Variants in IL21R observed in about 807,000 individuals in gnomAD.
IL21R encodes the protein interleukin 21 receptor, also known as interleukin-21 receptor.
IL21R carries 14 observed loss-of-function variants against 41.3 expected under a neutral mutation model. That is an observed-to-expected ratio of 0.34 (90% CI 0.22 to 0.53). The LOEUF (loss-of-function observed/expected upper bound fraction) is 0.53, where lower values mean the gene tolerates loss of function less well. Among genes scored for constraint, IL21R ranks in the 20% least tolerant of loss-of-function variants. The pLI, the probability that IL21R is intolerant of heterozygous loss-of-function variation, is 0.94. For missense variants in IL21R, 588 were observed against 681.6 expected (o/e 0.86, Z 1.53); for synonymous variants, 286 against 287.6 (o/e 0.99, Z 0.05).
intron 1 of IL21R, among the ~76,000 whole-genome samples, chr16:27,414,532 A>AT (rs1409590690): frequency 6.6e-6 from 1 of 151,936 alleles, no homozygotes; most frequent in African/African-American, 2.4e-5. Context: ...AAGTTTTGGT[A>AT]TTAAGACTGC....
intron 1 of IL21R, among the ~76,000 whole-genome samples, chr16:27,413,316 G>A (rs1322463721): frequency 6.6e-6 from 1 of 152,036 alleles, no homozygotes; most frequent in Non-Finnish European, 1.5e-5. Context: ...ATCCTACTTG[G>A]TCATGGTGTA....
intron 1 of IL21R, among the ~76,000 whole-genome samples, chr16:27,426,417 G>A (rs571744115): frequency 2.0e-5 from 3 of 152,358 alleles, no homozygotes; most frequent in African/African-American, 7.2e-5. Flanking sequence ...AACGCAATAG[G>A]CTAGTGGCAG....
chr16:27,438,495 CAGG>C (rs2087313691), intron 4 of IL21R, among the ~76,000 whole-genome samples: 1 of 152,112 alleles, frequency 6.6e-6, no homozygotes, highest in Admixed American at 6.5e-5. Context: ...AAGGCTGAGG[CAGG>C]AGGATTGCTT....
At chr16:27,408,179 A>C (rs1258613263) in intron 1 of IL21R, among the ~76,000 whole-genome samples, 1 of 152,222 alleles carries the variant, frequency 6.6e-6, no homozygotes, top group African/African-American at 2.4e-5. Flanking sequence ...GGTGGACCCC[A>C]GAGGAAGGAG....
At position 27,448,827 on chromosome 16, in the gene IL21R, A is replaced by G. The variant is rs763726220; in HGVS notation, c.1161A>G (p.Pro387=). ...TGACTGTGCTAGATGCAGAGGGGCCATGCACCTGGCCCTGCAGCTGTGAGG... is the reference window on the plus strand; with the variant it reads ...TGACTGTGCTAGATGCAGAGGGGCCGTGCACCTGGCCCTGCAGCTGTGAGG... ...DTVTVLDAEG[P]CTWPCSCEDD... The change falls in exon 9 of 9, where the codon CCA becomes CCG. Residue 387 remains proline, a synonymous_variant. Transcript: ENST00000337929. 1 of 1,613,224 alleles carries G rather than the reference A, an allele frequency of 6.2e-7. No homozygotes were observed. Among genetic ancestry groups the G allele is most frequent in the Non-Finnish European group, 8.5e-7 (1 of 1,180,028 alleles).
chr16:27,416,966 T>C (rs1396566922), intron 1 of IL21R, among the ~76,000 whole-genome samples: 1 of 152,222 alleles, frequency 6.6e-6, no homozygotes, highest in Non-Finnish European at 1.5e-5. Flanking sequence ...TTCCCTTATA[T>C]GGCTAAATAA....
In IL21R at chr16:27,451,139, C is replaced by CGTGAGCCTGGGATCGGGGGGTGTGAG. The variant is rs1567377079; in HGVS notation, c.*1856_*1857insGTGAGCCTGGGATCGGGGGGTGTGAG. 17 of 232,532 alleles carry CGTGAGCCTGGGATCGGGGGGTGTGAG rather than the reference C, an allele frequency of 7.3e-5. No individual in the cohort carries two copies. Among genetic ancestry groups the CGTGAGCCTGGGATCGGGGGGTGTGAG allele is most frequent in the African/African-American group, 3.8e-4 (17 of 45,228 alleles). 14.4% of individuals were successfully genotyped at this position (232,532 alleles called of 1,614,324 possible). A position where few individuals can be genotyped will look rare whatever the true frequency, so the allele number is the denominator to read the frequency against. On this transcript the variant is annotated 3_prime_UTR_variant, in exon 9 of 9. Coordinates refer to ENST00000337929, the MANE Select transcript of IL21R (RefSeq NM_181078.3). The stretch of plus-strand genomic sequence containing the variant: ...CAGGCGCAGCCCTCAACACCCCGTG[C>CGTGAGCCTGGGATCGGGGGGTGTGAG]ACCTGCACCCTAGGGACTCTTGGGT...
chr16:27,439,573 A>C (rs1162732140), intron 4 of IL21R, among the ~76,000 whole-genome samples: 2 of 151,744 alleles, frequency 1.3e-5, no homozygotes, highest in Non-Finnish European at 2.9e-5. Context: ...ACACACGGGC[A>C]CACATATGCA....
chr16:27,442,844 T>C lies in IL21R; in HGVS notation c.353-118T>C, dbSNP rs1000078072. 8.9e-6 allele frequency: 8 copies of C among 899,030 alleles called. No homozygotes were observed. The African/African-American group carries it at 1.4e-4, about 15-fold the overall frequency. The allele number at this position is 899,030 out of a possible 1,614,324, so 55.7% of individuals were successfully genotyped here. On this transcript the variant is annotated intron_variant, in intron 4 of 8. Transcript: ENST00000337929. Reference sequence around the variant, plus strand: ...GGGTTGTTGGTCTTCATCTCATCCATGATGGGTCAGGCATGGAGGCAGGGG... The same window carrying C: ...GGGTTGTTGGTCTTCATCTCATCCACGATGGGTCAGGCATGGAGGCAGGGG...
intron 1 of IL21R, among the ~76,000 whole-genome samples, chr16:27,404,651 G>C (rs994076858): frequency 6.6e-6 from 1 of 152,176 alleles, no homozygotes; most frequent in African/African-American, 2.4e-5. Context: ...ACACAACTAG[G>C]AAGGGGTGCC....
chr16:27,411,708 C>T (rs1209644977), intron 1 of IL21R, among the ~76,000 whole-genome samples: 1 of 152,074 alleles, frequency 6.6e-6, no homozygotes, highest in Non-Finnish European at 1.5e-5. Context: ...AGGTGATTCG[C>T]CCGCCTCGGC....
intron 1 of IL21R, among the ~76,000 whole-genome samples, chr16:27,424,043 G>C (rs1463362343): frequency 6.6e-6 from 1 of 152,106 alleles, no homozygotes; most frequent in Non-Finnish European, 1.5e-5. Context: ...AAAATGGTAT[G>C]TCATTGTGGT....
chr16:27,427,075 A>G (rs950257281), intron 1 of IL21R, among the ~76,000 whole-genome samples: 24 of 152,042 alleles, frequency 1.6e-4, no homozygotes, highest in Admixed American at 1.1e-3. Context: ...TACCAAAAAA[A>G]GTGTCAGTTT....
chr16:27,435,660 C>T (rs2087256548), intron 3 of IL21R, among the ~76,000 whole-genome samples: 1 of 152,010 alleles, frequency 6.6e-6, no homozygotes, highest in Non-Finnish European at 1.5e-5. Context: ...TGCCATGTTA[C>T]CCAGGCTGGA....
rs763339496 is a variant in IL21R, at chr16:27,448,683, G to A, written c.1017G>A (p.Glu339=). 1.2e-6 allele frequency: 2 copies of A among 1,613,224 alleles called. No individual in the cohort carries two copies. Among genetic ancestry groups the A allele is most frequent in the Non-Finnish European group, 1.7e-6 (2 of 1,180,018 alleles). Residue 339 remains glutamate, a synonymous_variant, in exon 9 of 9, where the codon GAG becomes GAA. Coordinates refer to ENST00000337929, the MANE Select transcript of IL21R (RefSeq NM_181078.3). ...TCACGGAGCTACAAGAACCAGCAGA[G>A]CTGGTGGAGTCTGACGGTGTGCCCA... is the stretch of plus-strand genomic sequence containing the variant. ...LQLTELQEPA[E]LVESDGVPKP... is the part of the protein sequence containing the mutation.
intron 4 of IL21R, among the ~76,000 whole-genome samples, chr16:27,440,248 T>TATATATATATATAGAGAGAGAG (rs1352160946): frequency 1.9e-4 from 12 of 64,036 alleles, no homozygotes; most frequent in South Asian, 5.0e-4. Flanking sequence ...TATATATATA[T>TATATATATATATAGAGAGAGAG]AGAGAGAGAG....
At chr16:27,428,452 G>T (rs2087114157) in intron 1 of IL21R, among the ~76,000 whole-genome samples, 2 of 152,380 alleles carry the variant, frequency 1.3e-5, no homozygotes, top group South Asian at 4.1e-4. Flanking sequence ...TCTGGAGAAA[G>T]CCATGCCTGT....
At chr16:27,412,064 T>C (rs2086831565) in intron 1 of IL21R, among the ~76,000 whole-genome samples, 1 of 152,216 alleles carries the variant, frequency 6.6e-6, no homozygotes, top group East Asian at 1.9e-4. Context: ...AGTTTTATAG[T>C]TTCAGGTCTT....
chr16:27,405,257 T>C (rs1000485275), intron 1 of IL21R, among the ~76,000 whole-genome samples: 8 of 152,152 alleles, frequency 5.3e-5, no homozygotes, highest in Non-Finnish European at 1.5e-5. Flanking sequence ...GGTCTTGAAC[T>C]CCTGGGCTCA....
Sources: gnomAD v4.1 joint callset for allele counts (sites outside exome capture counted in the v4.1 genomes callset) on GRCh38, gnomAD v4.1.1 for gene constraint, MANE v1.5 for transcripts, NCBI Gene and HGNC (gene_info 2026-07-23, HGNC 2026-07-21) for gene names.